Variants in NTRK2 observed in about 807,000 individuals in gnomAD.
The protein encoded by NTRK2 is BDNF/NT-3 growth factors receptor.
NTRK2 carries 13 observed loss-of-function variants against 94.5 expected under a neutral mutation model. The ratio of observed to expected loss-of-function variants is 0.14; its 90% CI spans 0.09 to 0.22. The LOEUF is 0.22. Ranked by LOEUF, NTRK2 falls within the 10% of genes least tolerant of loss-of-function variation. The probability of loss-of-function intolerance (pLI) is 1.00; values close to 1 mark genes in which losing one functional copy is unlikely to be tolerated. For missense variants in NTRK2, 639 were observed against 1,071.2 expected, an observed-to-expected ratio of 0.60 and a Z score of 5.63; for synonymous variants, 372 against 407.4, an observed-to-expected ratio of 0.91 and a Z score of 1.05.
At chr9:84,805,599 A>G (rs1187417299) in intron 12 of NTRK2, among the ~76,000 whole-genome samples, 7 of 152,200 alleles carry the variant, frequency 4.6e-5, no homozygotes, top group African/African-American at 1.4e-4. Context: ...TTCTCCTTCA[A>G]TTCAGTTGGG....
At chr9:84,751,496 C>G (rs2064606438) in intron 11 of NTRK2, among the ~76,000 whole-genome samples, 1 of 152,098 alleles carries the variant, frequency 6.6e-6, no homozygotes, top group South Asian at 2.1e-4. Context: ...TGGGAAGATA[C>G]CTTGAGCCCA....
At chr9:85,008,766 A>G (rs933822583) in intron 17 of NTRK2, among the ~76,000 whole-genome samples, 4 of 152,190 alleles carry the variant, frequency 2.6e-5, no homozygotes, top group Non-Finnish European at 5.9e-5. Flanking sequence ...CCTGGACCAC[A>G]GCGTGAATGG....
intron 16 of NTRK2, 71 bp from the exon 17 acceptor site, chr9:84,955,212 G>A: frequency 9.4e-6 from 12 of 1,271,954 alleles, no homozygotes; most frequent in Admixed American, 2.0e-5. Context: ...GGACGGGGAG[G>A]GGCAGGGGCA....
intron 12 of NTRK2, among the ~76,000 whole-genome samples, chr9:84,822,161 G>C (rs1175179962): frequency 6.6e-6 from 1 of 152,116 alleles, no homozygotes; most frequent in Non-Finnish European, 1.5e-5. Flanking sequence ...GGTGTGAATA[G>C]GCTATTTCAG....
intron 15 of NTRK2, among the ~76,000 whole-genome samples, chr9:84,938,568 T>C (rs549056019): frequency 1.3e-5 from 2 of 152,220 alleles, no homozygotes; most frequent in African/African-American, 4.8e-5. Context: ...TCTGGGCTTA[T>C]TTAATGAATG....
chr9:84,749,045 A>G (rs1189897329), intron 11 of NTRK2, among the ~76,000 whole-genome samples: 2 of 152,150 alleles, frequency 1.3e-5, no homozygotes, highest in Admixed American at 6.5e-5. Flanking sequence ...CTTGACCAAC[A>G]TGGAGAAACC....
intron 12 of NTRK2, among the ~76,000 whole-genome samples, chr9:84,835,261 GAC>G (rs1276568200): frequency 6.6e-6 from 1 of 152,132 alleles, no homozygotes; most frequent in Non-Finnish European, 1.5e-5. Flanking sequence ...CCCTGTGCAA[GAC>G]ATCTTTCCTC....
chr9:84,700,159 A>T (rs2060635069), intron 2 of NTRK2, among the ~76,000 whole-genome samples: 1 of 152,228 alleles, frequency 6.6e-6, no homozygotes, highest in African/African-American at 2.4e-5. Context: ...AAACTCGCCC[A>T]CATTATCTAT....
chr9:84,971,756 A>C (rs1450957126), intron 17 of NTRK2, among the ~76,000 whole-genome samples: 1 of 152,234 alleles, frequency 6.6e-6, no homozygotes, highest in African/African-American at 2.4e-5. Context: ...AGGGGCTCTT[A>C]CAGAAGCTCA....
chr9:84,819,383 G>A (rs1222808125), intron 12 of NTRK2, among the ~76,000 whole-genome samples: 2 of 152,152 alleles, frequency 1.3e-5, no homozygotes, highest in African/African-American at 4.8e-5. Context: ...CCTTACCTGT[G>A]GAGAGTTCTA....
At chr9:84,821,255 G>A (rs1036247997) in intron 12 of NTRK2, among the ~76,000 whole-genome samples, 4 of 151,986 alleles carry the variant, frequency 2.6e-5, no homozygotes, top group African/African-American at 7.3e-5. Flanking sequence ...TGGGCGGAAT[G>A]TACTTAGCTT....
chr9:84,804,186 G>T (rs886763446), intron 12 of NTRK2, among the ~76,000 whole-genome samples: 7 of 152,112 alleles, frequency 4.6e-5, no homozygotes, highest in Admixed American at 2.0e-4. Context: ...TCCTGTTTTG[G>T]AGGCTTATTA....
intron 14 of NTRK2, among the ~76,000 whole-genome samples, chr9:84,897,635 G>C (rs1276425002): frequency 6.6e-6 from 1 of 152,212 alleles, no homozygotes; most frequent in Admixed American, 6.5e-5. Context: ...GCATGAGGCT[G>C]AGAATGATGC....
At chr9:84,936,915 T>G (rs773810767) in intron 15 of NTRK2, among the ~76,000 whole-genome samples, 1 of 152,120 alleles carries the variant, frequency 6.6e-6, no homozygotes, top group Non-Finnish European at 1.5e-5. Context: ...AATTTCAAGC[T>G]TCAGAGAGGA....
intron 2 of NTRK2, among the ~76,000 whole-genome samples, chr9:84,679,647 C>A (rs1026748745): frequency 1.3e-5 from 2 of 152,202 alleles, no homozygotes; most frequent in Non-Finnish European, 2.9e-5. Flanking sequence ...ATGCATGCTA[C>A]TCCTTGAAAG....
intron 12 of NTRK2, among the ~76,000 whole-genome samples, chr9:84,790,191 A>T (rs2068585678): frequency 6.6e-6 from 1 of 152,160 alleles, no homozygotes; most frequent in Non-Finnish European, 1.5e-5. Flanking sequence ...GCAAACGTTT[A>T]GTTTAAAAAA....
At chr9:84,815,477 G>A in intron 12 of NTRK2, 1 of 1,040,160 alleles carries the variant, frequency 9.6e-7, no homozygotes, top group Non-Finnish European at 1.2e-6. Flanking sequence ...TCAACCATTT[G>A]CTGTAATCCA....
chr9:84,814,409 C>T (rs2072154957), intron 12 of NTRK2: 1 of 1,065,856 alleles, frequency 9.4e-7, no homozygotes, highest in Non-Finnish European at 1.1e-6. Flanking sequence ...CTCTCCTCTT[C>T]TTTTCTCTTT....
intron 12 of NTRK2, chr9:84,810,955 C>T: frequency 8.9e-7 from 1 of 1,129,544 alleles, no homozygotes; most frequent in Non-Finnish European, 1.1e-6. Context: ...TTAATTGCTT[C>T]TGTTTATTAA....
Sources: allele counts gnomAD v4.1 joint callset (sites outside exome capture counted in the v4.1 genomes callset), GRCh38; gene constraint gnomAD v4.1.1; transcripts MANE v1.5; gene names NCBI Gene and HGNC (gene_info 2026-07-23, HGNC 2026-07-21).